Variants in LAPTM4A observed in about 807,000 individuals in gnomAD.
The protein encoded by LAPTM4A is lysosomal protein transmembrane 4 alpha, also known as lysosomal-associated transmembrane protein 4A.
A neutral mutation model predicts 29.9 loss-of-function variants in LAPTM4A; 19 were observed. The ratio of observed to expected loss-of-function variants is 0.64; its 90% CI spans 0.44 to 0.93. LAPTM4A has a LOEUF of 0.93. LAPTM4A is among the 40% of genes least tolerant of loss of function. The pLI is 0.00. For missense variants in LAPTM4A, 293 were observed against 288.5 expected, an observed-to-expected ratio of 1.02 and a Z score of -0.11; for synonymous variants, 105 against 102.1, an observed-to-expected ratio of 1.03 and a Z score of -0.17.
intron 1 of LAPTM4A, among the ~76,000 whole-genome samples, chr2:20,044,141 T>C (rs1199139101): frequency 1.3e-5 from 2 of 152,206 alleles, no homozygotes; most frequent in African/African-American, 4.8e-5. Flanking sequence ...CTCTCCCCAG[T>C]TGAAAGCTGA....
rs1190772512 is a variant in LAPTM4A at position 20,040,887 on chromosome 2, A to T, written c.232+4T>A. The stretch of plus-strand genomic sequence containing the variant: ...ATTTTTTTGTTTTTCTATTAAACAC[A>T]TACCAGCCATTCTCTCAGACGAATA... On this transcript the variant is annotated splice_donor_region_variant and intron_variant, in intron 2 of 6. Coordinates refer to ENST00000175091, the MANE Select transcript of LAPTM4A (RefSeq NM_014713.5). 4 of 1,613,390 alleles carry T rather than the reference A, an allele frequency of 2.5e-6. No individual in the cohort carries two copies. Among genetic ancestry groups the T allele is most frequent in the Non-Finnish European group, 3.4e-6 (4 of 1,179,428 alleles).
chr2:20,033,158 A>G lies in LAPTM4A; in HGVS notation c.*47T>C. On this transcript the variant is annotated 3_prime_UTR_variant, in exon 7 of 7. Coordinates refer to ENST00000175091, the MANE Select transcript of LAPTM4A (RefSeq NM_014713.5). Reference sequence around the variant, plus strand: ...TGAATTGCAGCATTCTGTAACATAAACAAACAAAAAGCTGGTATAGGATTT... The same window carrying G: ...TGAATTGCAGCATTCTGTAACATAAGCAAACAAAAAGCTGGTATAGGATTT... The G allele has an allele frequency of 2.0e-6, 3 of 1,469,932 alleles. No individual in the cohort carries two copies. The highest frequency in any genetic ancestry group is 2.9e-6 in the Non-Finnish European group (3 of 1,048,576). The allele number at this position is 1,469,932 out of a possible 1,614,324, so 91.1% of individuals were successfully genotyped here. A position where few individuals can be genotyped will look rare whatever the true frequency, so the allele number is the denominator to read the frequency against.
At chr2:20,047,303 G>C (rs940828723) in intron 1 of LAPTM4A, among the ~76,000 whole-genome samples, 1 of 151,114 alleles carries the variant, frequency 6.6e-6, no homozygotes, top group African/African-American at 2.4e-5. Flanking sequence ...CAGAGGAATC[G>C]CTTGAACCTG....
At chr2:20,042,075 C>T (rs1466652594) in intron 1 of LAPTM4A, among the ~76,000 whole-genome samples, 4 of 152,190 alleles carry the variant, frequency 2.6e-5, no homozygotes, top group Admixed American at 1.3e-4. Flanking sequence ...AATGGGATCT[C>T]AGTTCTCATA....
Position 20,046,767 on chromosome 2 carries a change from AT to A in LAPTM4A, c.111+4642del, listed in dbSNP as rs1039284594. ...TATATATTATATAAATATATATATA[AT>A]ATAATATATAAATATATATATAATA... On this transcript the variant is annotated intron_variant, in intron 1 of 6. Coordinates refer to ENST00000175091, the MANE Select transcript of LAPTM4A (RefSeq NM_014713.5). 1.5e-3 allele frequency among the ~76,000 whole-genome samples: 212 copies of A among 142,444 alleles called. 1 individual carries two copies. Among genetic ancestry groups the A allele is most frequent in the Non-Finnish European group, 2.3e-3 (156 of 66,562 alleles). The allele number at this position is 142,444 out of a possible 152,430, so 93.4% of individuals were successfully genotyped here. A position where few individuals can be genotyped will look rare whatever the true frequency, so the allele number is the denominator to read the frequency against.
chr2:20,048,532 G>A (rs1673985489), intron 1 of LAPTM4A, among the ~76,000 whole-genome samples: 1 of 152,184 alleles, frequency 6.6e-6, no homozygotes, highest in Admixed American at 6.5e-5. Context: ...TTTAACACTA[G>A]ACCAGTAGAA....
At chr2:20,042,729 G>T (rs532173834) in intron 1 of LAPTM4A, among the ~76,000 whole-genome samples, 27 of 152,330 alleles carry the variant, frequency 1.8e-4, no homozygotes, top group African/African-American at 6.5e-4. Context: ...GCCTGTAGTT[G>T]TTGGCCAATC....
At chr2:20,034,071 G>C (rs1233186302) in intron 6 of LAPTM4A, among the ~76,000 whole-genome samples, 1 of 152,158 alleles carries the variant, frequency 6.6e-6, no homozygotes, top group Non-Finnish European at 1.5e-5. Flanking sequence ...CTACAAACAT[G>C]ACACTAATGA....
intron 1 of LAPTM4A, among the ~76,000 whole-genome samples, chr2:20,041,291 A>G (rs544202303): frequency 6.6e-6 from 1 of 152,340 alleles, no homozygotes; most frequent in South Asian, 2.1e-4. Context: ...ATCATTACAA[A>G]TGGTTCATGT....
intron 4 of LAPTM4A, among the ~76,000 whole-genome samples, chr2:20,037,055 A>G (rs1673692368): frequency 6.6e-6 from 1 of 152,214 alleles, no homozygotes. Context: ...GCTCAAAAAC[A>G]AAAGCTGAAC....
chr2:20,038,785 C>G (rs545210763), intron 2 of LAPTM4A, among the ~76,000 whole-genome samples: 4 of 151,886 alleles, frequency 2.6e-5, no homozygotes, highest in Non-Finnish European at 5.9e-5. Flanking sequence ...CAAGACCAAC[C>G]TGGGCAATAT....
intron 4 of LAPTM4A, among the ~76,000 whole-genome samples, chr2:20,036,596 A>G (rs902468456): frequency 6.6e-6 from 1 of 152,236 alleles, no homozygotes; most frequent in Admixed American, 6.5e-5. Flanking sequence ...AAAATGGGCT[A>G]GGCAGGAAAT....
intron 5 of LAPTM4A, 77 bp downstream of exon 5, chr2:20,034,890 A>G (rs1475776595): frequency 2.5e-5 from 25 of 998,638 alleles, no homozygotes; most frequent in Non-Finnish European, 3.7e-5. Flanking sequence ...TGTGACTTGT[A>G]AGGTGAAAGG....
At chr2:20,043,738 T>C (rs1673856291) in intron 1 of LAPTM4A, among the ~76,000 whole-genome samples, 1 of 152,174 alleles carries the variant, frequency 6.6e-6, no homozygotes, top group African/African-American at 2.4e-5. Context: ...CTTTATGACA[T>C]GTGTATTTAC....
intron 1 of LAPTM4A, 44 bp from the exon 2 acceptor site, chr2:20,041,055 G>A (rs768930845): frequency 1.9e-6 from 3 of 1,601,558 alleles, no homozygotes; most frequent in African/African-American, 1.3e-5. Context: ...TTACCATCAC[G>A]ACGCAATCTT....
At chr2:20,035,305 C>T (rs1346279957) in intron 4 of LAPTM4A, 4 of 442,308 alleles carry the variant, frequency 9.0e-6, no homozygotes, top group East Asian at 4.0e-5. Context: ...AAATTTAGCT[C>T]GTTTTCTCTT....
chr2:20,037,723 G>A (rs1209945811), intron 2 of LAPTM4A, 109 bp from the exon 3 acceptor site: 3 of 657,872 alleles, frequency 4.6e-6, no homozygotes, highest in African/African-American at 3.8e-5. Flanking sequence ...TTCAAAATTG[G>A]CTATAAAAAG....
At chr2:20,040,602 C>T (rs1454468901) in intron 2 of LAPTM4A, among the ~76,000 whole-genome samples, 1 of 152,154 alleles carries the variant, frequency 6.6e-6, no homozygotes, top group East Asian at 1.9e-4. Context: ...TACAGTATTA[C>T]TATATTTTTC....
chr2:20,047,695 T>C (rs1461740433), intron 1 of LAPTM4A, among the ~76,000 whole-genome samples: 4 of 96,530 alleles, frequency 4.1e-5, no homozygotes, highest in East Asian at 4.1e-4. Context: ...AGACTCCGTC[T>C]CAAAAAAAAA....
Sources: allele counts gnomAD v4.1 joint callset (sites outside exome capture counted in the v4.1 genomes callset), GRCh38; gene constraint gnomAD v4.1.1; transcripts MANE v1.5; gene names NCBI Gene and HGNC (gene_info 2026-07-23, HGNC 2026-07-21).